The following NACC2 variants were observed in gnomAD, a reference collection of about 807,000 sequenced individuals.
The protein encoded by NACC2 is NACC family member 2.
Under a neutral mutation model 25.1 loss-of-function variants are expected in NACC2, and 8 were observed. The ratio of observed to expected loss-of-function variants is 0.32; its 90% CI spans 0.19 to 0.57. The LOEUF (loss-of-function observed/expected upper bound fraction) is 0.57, where lower values mean the gene tolerates loss of function less well. Among genes scored for constraint, NACC2 ranks in the 20% least tolerant of loss-of-function variants. The pLI, the probability that NACC2 is intolerant of heterozygous loss-of-function variation, is 0.89. For synonymous variants in NACC2, 435 were observed against 294.7 expected (o/e 1.48, Z -4.88); for missense variants, 644 against 650.2 (o/e 0.99, Z 0.10).
At chr9:136,024,981 C>A (rs1840366365) in intron 2 of NACC2, among the ~76,000 whole-genome samples, 1 of 152,188 alleles carries the variant, frequency 6.6e-6, no homozygotes, top group African/African-American at 2.4e-5. Context: ...CTGCTGACTA[C>A]TAAGTAGCCA....
intron 1 of NACC2, among the ~76,000 whole-genome samples, 172 bp downstream of exon 1, chr9:136,095,017 C>T (rs868295218): frequency 4.1e-5 from 6 of 146,074 alleles, no homozygotes; most frequent in Middle Eastern, 6.9e-3. Flanking sequence ...CGCGCACGCC[C>T]GGGCCGGCGC....
At chr9:136,043,174 T>A (rs1229728485) in intron 2 of NACC2, among the ~76,000 whole-genome samples, 2 of 152,210 alleles carry the variant, frequency 1.3e-5, no homozygotes, top group Non-Finnish European at 2.9e-5. Context: ...AGAGTCACCA[T>A]TACAATAATG....
chr9:136,067,613 A>G (rs1359129450), intron 1 of NACC2, among the ~76,000 whole-genome samples: 1 of 142,864 alleles, frequency 7.0e-6, no homozygotes, highest in Non-Finnish European at 1.6e-5. Flanking sequence ...CAAGGCGGGC[A>G]GATCACGAGG....
chr9:136,050,066 G>A lies in NACC2; in HGVS notation c.456C>T (p.Ala152=), dbSNP rs892820748. The change falls in exon 2 of 6, where the codon GCC becomes GCT. Residue 152 remains alanine (A), a synonymous_variant. Coordinates refer to ENST00000277554, the MANE Select transcript of NACC2 (RefSeq NM_144653.5). Reference sequence around the variant, plus strand: ...CGACGTAGGGGGCCGCGGCGGCGGCGGCCGGCTGCAGCTGGTTGCAGGGGC... The same window carrying A: ...CGACGTAGGGGGCCGCGGCGGCGGCAGCCGGCTGCAGCTGGTTGCAGGGGC... ...PQSPCNQLQP[A]AAAAAPYVVS... The A allele has an allele frequency of 9.6e-6, 7 of 731,092 alleles. No homozygotes were observed. Among genetic ancestry groups the A allele is most frequent in the Admixed American group, 3.7e-5 (2 of 54,752 alleles). 45.3% of individuals were successfully genotyped at this position (731,092 alleles called of 1,614,324 possible).
intron 1 of NACC2, among the ~76,000 whole-genome samples, chr9:136,054,123 A>T (rs1228946324): frequency 6.6e-6 from 1 of 152,188 alleles, no homozygotes; most frequent in Non-Finnish European, 1.5e-5. Flanking sequence ...CACACACAGA[A>T]AGCCGGTGAT....
In NACC2 at chr9:136,014,048, G is replaced by T. The variant is rs540818698; in HGVS notation, c.1052-79C>A. 1.1e-4 allele frequency: 81 copies of T among 720,506 alleles called. 7 individuals carry two copies. In the East Asian group the frequency reaches 2.9e-3, roughly 25 times the overall value. 44.6% of individuals were successfully genotyped at this position (720,506 alleles called of 1,614,324 possible). ...GAAGAGGCGCACAGATGGGTGAGGG[G>T]GAGGGGGGGAGGTGGAGGGGGAGGA... On this transcript the variant is annotated intron_variant, in intron 3 of 5. Coordinates refer to ENST00000277554, the MANE Select transcript of NACC2 (RefSeq NM_144653.5).
At position 136,016,287 on chromosome 9, in the gene NACC2, C is replaced by T. The variant is rs1196913483; in HGVS notation, c.1029G>A (p.Gly343=). 2.3e-5 allele frequency: 37 copies of T among 1,612,862 alleles called. 1 individual carries two copies. In the Admixed American group the frequency reaches 6.0e-4, roughly 26 times the overall value. ...CACCTGCCACCAGCTCCAGCTTCTCCCCGGGGTCCCCTTCCGAGTAGAGCT... is the reference window on the plus strand; with the variant it reads ...CACCTGCCACCAGCTCCAGCTTCTCTCCGGGGTCCCCTTCCGAGTAGAGCT... The part of the protein sequence containing the change: ...HPKLYSEGDP[G]EKLELVAGSG... Residue 343 remains glycine, a synonymous_variant, in exon 3 of 6, where the codon GGG becomes GGA. Coordinates refer to ENST00000277554, the MANE Select transcript of NACC2 (RefSeq NM_144653.5).
At chr9:136,059,310 C>G (rs1019261172) in intron 1 of NACC2, among the ~76,000 whole-genome samples, 1 of 152,208 alleles carries the variant, frequency 6.6e-6, no homozygotes, top group Non-Finnish European at 1.5e-5. Flanking sequence ...CACAGCCATG[C>G]TTGGTGTCCA....
chr9:136,047,456 C>T (rs1840747911), intron 2 of NACC2, among the ~76,000 whole-genome samples: 1 of 152,244 alleles, frequency 6.6e-6, no homozygotes, highest in Non-Finnish European at 1.5e-5. Context: ...CAGAGCCAAA[C>T]TGTATGGTAG....
chr9:136,033,408 C>T (rs1840501031), intron 2 of NACC2, among the ~76,000 whole-genome samples: 1 of 152,074 alleles, frequency 6.6e-6, no homozygotes, highest in African/African-American at 2.4e-5. Context: ...CTTTGGGAGG[C>T]TGATGTGGGC....
intron 2 of NACC2, among the ~76,000 whole-genome samples, chr9:136,036,086 C>T (rs1387570987): frequency 6.6e-6 from 1 of 152,122 alleles, no homozygotes; most frequent in Non-Finnish European, 1.5e-5. Context: ...AAGCTACTTA[C>T]GTGTCTGACA....
intron 1 of NACC2, among the ~76,000 whole-genome samples, chr9:136,079,485 G>A (rs62583479): frequency 0.052 from 7,942 of 152,316 alleles, 270 homozygotes; most frequent in Non-Finnish European, 0.076. Flanking sequence ...CAGGCTGGAC[G>A]CCAGCAGGTG....
intron 1 of NACC2, among the ~76,000 whole-genome samples, chr9:136,089,058 A>T (rs1564245409): frequency 1.3e-5 from 2 of 152,244 alleles, no homozygotes; most frequent in South Asian, 2.1e-4. Flanking sequence ...GCAAAAACAC[A>T]CAGACACGAA....
chr9:136,013,917 T>C lies in NACC2; in HGVS notation c.1104A>G (p.Ala368=). The C allele has an allele frequency of 6.2e-7, 1 of 1,612,804 alleles. No individual in the cohort carries two copies. The highest frequency in any genetic ancestry group is 8.5e-7 in the Non-Finnish European group (1 of 1,179,940). ...GCAGCAAGACCTTATGCTTCACCCCTGCACACAGGTGGCAGTTCATCAGCT... is the reference window on the plus strand; with the variant it reads ...GCAGCAAGACCTTATGCTTCACCCCCGCACACAGGTGGCAGTTCATCAGCT... The part of the protein sequence containing the change: ...RGQLMNCHLC[A]GVKHKVLLRR... The change falls in exon 4 of 6, where the codon GCA becomes GCG. Residue 368 remains alanine, a synonymous_variant. Coordinates refer to ENST00000277554, the MANE Select transcript of NACC2 (RefSeq NM_144653.5). This position sits in a 1 kb window ranked among gnomAD's most constrained non-coding sequence, Gnocchi z 6.6.
intron 1 of NACC2, among the ~76,000 whole-genome samples, chr9:136,083,725 C>T (rs13283561): frequency 0.042 from 6,357 of 152,320 alleles, 188 homozygotes; most frequent in Non-Finnish European, 0.061. Flanking sequence ...TGGCCTCCAC[C>T]GCTGTGCAAG....
Position 136,018,015 on chromosome 9 carries a change from G to A in NACC2, c.887-1586C>T, listed in dbSNP as rs1279335151. Among the ~76,000 whole-genome samples the A allele has an allele frequency of 1.3e-5, 2 of 152,182 alleles. No homozygotes were observed. The highest frequency in any genetic ancestry group is 6.5e-5 in the Admixed American group (1 of 15,292). On this transcript the variant is annotated intron_variant, in intron 2 of 5. Coordinates refer to ENST00000277554, the MANE Select transcript of NACC2 (RefSeq NM_144653.5). The surrounding 1 kb of genome is among the most constrained non-coding windows in gnomAD (Gnocchi z 4.4). ...CCTCAGTGTGATGGGAAGTCCCCCG[G>A]TGGGGGGCGGGGGGCAGCTTGCAGG... is the stretch of plus-strand genomic sequence containing the variant.
intron 1 of NACC2, among the ~76,000 whole-genome samples, chr9:136,079,923 G>A (rs1830303203): frequency 6.6e-6 from 1 of 152,202 alleles, no homozygotes; most frequent in Admixed American, 6.5e-5. Context: ...GTTCCCCAAG[G>A]AAAGCTTTTG....
Position 136,009,355 on chromosome 9 carries a change from T to G in NACC2, c.*2161A>C, listed in dbSNP as rs922343904. 1.5e-4 allele frequency: 23 copies of G among 152,308 alleles called. No homozygotes were observed. The highest frequency in any genetic ancestry group is 5.3e-4 in the African/African-American group (22 of 41,540). The allele number at this position is 152,308 out of a possible 1,614,324, so 9.4% of individuals were successfully genotyped here. A position where few individuals can be genotyped will look rare whatever the true frequency, so the allele number is the denominator to read the frequency against. ...AGGGGAGGAAGAGGCAGAGAAAGGC[T>G]CCCTCTAGGCTGGGTGGTTCTTAGT... On this transcript the variant is annotated 3_prime_UTR_variant, in exon 6 of 6. Coordinates refer to ENST00000277554, the MANE Select transcript of NACC2 (RefSeq NM_144653.5).
chr9:136,018,918 C>T lies in NACC2; in HGVS notation c.887-2489G>A, dbSNP rs577055570. Among the ~76,000 whole-genome samples the T allele has an allele frequency of 3.9e-5, 6 of 152,124 alleles. No individual in the cohort carries two copies. Among genetic ancestry groups the T allele is most frequent in the Non-Finnish European group, 7.4e-5 (5 of 68,020 alleles). ...AATAATTCCCCATCCACAACCACCT[C>T]GTCTCGAGATGTTTTTCTAAACAGC... On this transcript the variant is annotated intron_variant, in intron 2 of 5. Transcript: ENST00000277554. The surrounding 1 kb of genome is among the most constrained non-coding windows in gnomAD (Gnocchi z 4.4).
Sources: allele counts gnomAD v4.1 joint callset (sites outside exome capture counted in the v4.1 genomes callset), GRCh38; gene constraint gnomAD v4.1.1; non-coding constraint Gnocchi (gnomAD v3.1); transcripts MANE v1.5; gene names NCBI Gene and HGNC (gene_info 2026-07-23, HGNC 2026-07-21).